The following MDGA2 variants were observed in gnomAD, a reference collection of about 807,000 sequenced individuals.
The protein encoded by MDGA2 is MAM domain containing glycosylphosphatidylinositol anchor 2.
A neutral mutation model predicts 117.8 loss-of-function variants in MDGA2; 40 were observed. The observed-to-expected ratio is 0.34, with a 90% CI of 0.26 to 0.44. The LOEUF (loss-of-function observed/expected upper bound fraction) is 0.44, where lower values mean the gene tolerates loss of function less well. Ranked by LOEUF, MDGA2 falls within the 20% of genes least tolerant of loss-of-function variation. The probability of loss-of-function intolerance (pLI) is 1.00; values close to 1 mark genes in which losing one functional copy is unlikely to be tolerated. For synonymous variants in MDGA2, 452 were observed against 439.0 expected (o/e 1.03, Z -0.37); for missense variants, 1,123 against 1,250.6 (o/e 0.90, Z 1.54).
At chr14:47,081,505 G>A (rs1479652702) in intron 6 of MDGA2, among the ~76,000 whole-genome samples, 1 of 152,014 alleles carries the variant, frequency 6.6e-6, no homozygotes, top group Non-Finnish European at 1.5e-5. Flanking sequence ...CCAAGGTCAG[G>A]AAAATTAGGC....
intron 3 of MDGA2, among the ~76,000 whole-genome samples, chr14:47,159,417 A>G (rs1883539676): frequency 6.6e-6 from 1 of 152,230 alleles, no homozygotes. Flanking sequence ...GTTGTATAAT[A>G]TCCCTGGTCA....
At chr14:47,097,628 CCATT>C (rs1483992016) in intron 5 of MDGA2, among the ~76,000 whole-genome samples, 2 of 151,950 alleles carry the variant, frequency 1.3e-5, no homozygotes, top group Non-Finnish European at 2.9e-5. Flanking sequence ...CAGGCTTTTA[CCATT>C]CAGTGAGCCT....
chr14:47,566,396 C>A (rs1895919954), intron 1 of MDGA2, among the ~76,000 whole-genome samples: 1 of 152,160 alleles, frequency 6.6e-6, no homozygotes, highest in Non-Finnish European at 1.5e-5. Flanking sequence ...GTCTCACAGG[C>A]AAGATCACCC....
At chr14:47,492,892 A>G (rs1894201428) in intron 1 of MDGA2, among the ~76,000 whole-genome samples, 1 of 152,158 alleles carries the variant, frequency 6.6e-6, no homozygotes. Flanking sequence ...AGACAGTTAT[A>G]TCTTAAAAGT....
At chr14:47,127,527 T>C (rs1464981528) in intron 5 of MDGA2, among the ~76,000 whole-genome samples, 1 of 152,136 alleles carries the variant, frequency 6.6e-6, no homozygotes, top group Non-Finnish European at 1.5e-5. Context: ...TGATTACAGT[T>C]ACTGAAGAGT....
chr14:47,334,152 C>CT (rs768733088), intron 1 of MDGA2, among the ~76,000 whole-genome samples: 2 of 151,710 alleles, frequency 1.3e-5, no homozygotes, highest in Non-Finnish European at 2.9e-5. Flanking sequence ...ACCTTCTTGG[C>CT]TTTTTTGTGG....
At chr14:47,159,515 T>A (rs1198056814) in intron 3 of MDGA2, among the ~76,000 whole-genome samples, 3 of 152,190 alleles carry the variant, frequency 2.0e-5, no homozygotes, top group Non-Finnish European at 4.4e-5. Context: ...GGAACCTGGT[T>A]TGTAACTAGT....
chr14:47,609,456 T>G (rs1410173166), intron 1 of MDGA2, among the ~76,000 whole-genome samples: 20 of 110,158 alleles, frequency 1.8e-4, no homozygotes, highest in Non-Finnish European at 3.4e-4. Flanking sequence ...TATATATATA[T>G]ATATATATAA....
chr14:47,421,403 G>C (rs1892575921), intron 1 of MDGA2, among the ~76,000 whole-genome samples: 1 of 152,080 alleles, frequency 6.6e-6, no homozygotes, highest in Non-Finnish European at 1.5e-5. Flanking sequence ...AACAAAGTTT[G>C]AACACTATGG....
chr14:47,590,904 A>T (rs764453990), intron 1 of MDGA2, among the ~76,000 whole-genome samples: 4 of 152,056 alleles, frequency 2.6e-5, no homozygotes, highest in Admixed American at 1.3e-4. Flanking sequence ...GATCAACCAC[A>T]GTCAGAAGGA....
intron 7 of MDGA2, among the ~76,000 whole-genome samples, chr14:47,051,885 T>C (rs1254534958): frequency 1.3e-5 from 2 of 151,904 alleles, no homozygotes; most frequent in Non-Finnish European, 1.5e-5. Context: ...AGTGTGATCA[T>C]AACTACATTA....
At chr14:47,666,350 G>C (rs1004564958) in intron 1 of MDGA2, among the ~76,000 whole-genome samples, 7 of 125,298 alleles carry the variant, frequency 5.6e-5, no homozygotes, top group African/African-American at 2.0e-4. Context: ...TAGCTGATCT[G>C]CTGGGGACTT....
chr14:46,901,211 T>A (rs987328334), intron 10 of MDGA2, among the ~76,000 whole-genome samples: 19 of 151,106 alleles, frequency 1.3e-4, no homozygotes, highest in African/African-American at 4.1e-4. Context: ...GAGGGATAGC[T>A]TTAGGAGATA....
rs76620279 is a variant in MDGA2, at chr14:47,016,328, C to T, written c.1819+18683G>A. 3.9e-3 allele frequency among the ~76,000 whole-genome samples: 582 copies of T among 151,046 alleles called. 7 individuals are homozygous for T. Among genetic ancestry groups the T allele is most frequent in the African/African-American group, 0.013 (554 of 41,082 alleles). On this transcript the variant is annotated intron_variant, in intron 8 of 16. Transcript: ENST00000399232. Reference sequence around the variant, plus strand: ...CCAAATTACATTAAATCATTAATAGCACTTCAAATATTTTCCCAAATAATG... The same window carrying T: ...CCAAATTACATTAAATCATTAATAGTACTTCAAATATTTTCCCAAATAATG...
intron 1 of MDGA2, among the ~76,000 whole-genome samples, chr14:47,620,484 A>C (rs996281803): frequency 2.6e-5 from 4 of 152,250 alleles, no homozygotes; most frequent in African/African-American, 9.6e-5. Context: ...AATACTTTCC[A>C]TCTAATAATA....
intron 2 of MDGA2, among the ~76,000 whole-genome samples, chr14:47,262,933 C>T (rs1251811484): frequency 6.6e-6 from 1 of 152,106 alleles, no homozygotes; most frequent in East Asian, 1.9e-4. Context: ...TATCATAATA[C>T]ATAAATTAAT....
At chr14:47,089,251 C>CTTA in intron 6 of MDGA2, among the ~76,000 whole-genome samples, 1 of 152,100 alleles carries the variant, frequency 6.6e-6, no homozygotes, top group Non-Finnish European at 1.5e-5. Flanking sequence ...AAATTTGAAT[C>CTTA]GCTCCTTGGC....
chr14:47,322,838 A>G (rs1890020274), intron 1 of MDGA2, among the ~76,000 whole-genome samples: 1 of 152,060 alleles, frequency 6.6e-6, no homozygotes, highest in Non-Finnish European at 1.5e-5. Context: ...TGCAGGAAAT[A>G]TTTTATCAGC....
chr14:47,076,103 T>G (rs1890481237), intron 6 of MDGA2, among the ~76,000 whole-genome samples: 1 of 152,128 alleles, frequency 6.6e-6, no homozygotes, highest in Admixed American at 6.6e-5. Context: ...AATTAATCCT[T>G]CTTATACAAA....
Sources: gnomAD v4.1 joint callset for allele counts (sites outside exome capture counted in the v4.1 genomes callset) on GRCh38, gnomAD v4.1.1 for gene constraint, MANE v1.5 for transcripts, NCBI Gene and HGNC (gene_info 2026-07-23, HGNC 2026-07-21) for gene names.